CAPN2: variants seen among roughly 807,000 people sequenced by gnomAD.
The protein encoded by CAPN2 is calpain 2.
In CAPN2, 92 loss-of-function variants were observed where a neutral mutation model predicts 102.3. The ratio of observed to expected loss-of-function variants is 0.90; its 90% CI spans 0.76 to 1.07. The LOEUF (loss-of-function observed/expected upper bound fraction) is 1.07. Ranked by LOEUF, CAPN2 falls within the 50% of genes least tolerant of loss-of-function variation. The pLI is 0.00. For missense variants in CAPN2, 800 were observed against 909.4 expected (o/e 0.88, Z 1.55); for synonymous variants, 340 against 355.4 (o/e 0.96, Z 0.49).
At chr1:223,744,994 G>A (rs1660716466) in intron 3 of CAPN2, among the ~76,000 whole-genome samples, 2 of 151,716 alleles carry the variant, frequency 1.3e-5, no homozygotes, top group Admixed American at 6.6e-5. Flanking sequence ...GCAGTGAGCC[G>A]AGATCGTGCC....
At chr1:223,741,485 A>G (rs1227822027) in intron 2 of CAPN2, among the ~76,000 whole-genome samples, 1 of 144,388 alleles carries the variant, frequency 6.9e-6, no homozygotes, top group South Asian at 2.1e-4. Flanking sequence ...AGGGAGTCTC[A>G]TTCTTGTTGC....
At chr1:223,715,145 A>G (rs1045861107) in intron 1 of CAPN2, among the ~76,000 whole-genome samples, 32 of 152,202 alleles carry the variant, frequency 2.1e-4, no homozygotes, top group African/African-American at 7.0e-4. Context: ...TGCTGAGGTC[A>G]GGCAAGGGGA....
intron 4 of CAPN2, among the ~76,000 whole-genome samples, chr1:223,745,921 T>A (rs1354027148): frequency 6.6e-6 from 1 of 152,212 alleles, no homozygotes; most frequent in Non-Finnish European, 1.5e-5. Context: ...GGTAGGAAAC[T>A]TGCCCAGAAT....
chr1:223,745,225 AG>A, intron 3 of CAPN2, 80 bp from the exon 4 acceptor site: 1 of 1,588,348 alleles, frequency 6.3e-7, no homozygotes, highest in Non-Finnish European at 8.6e-7. Flanking sequence ...GATCAGGGCA[AG>A]GGGAGCCAGA....
Position 223,750,986 on chromosome 1 carries a change from C to A in CAPN2, c.899+11C>A. The A allele has an allele frequency of 6.4e-7, 1 of 1,551,180 alleles. No homozygotes were observed. The highest frequency in any genetic ancestry group is 8.7e-7 in the Non-Finnish European group (1 of 1,146,554). ...GCGGTGGAATGACAAGTGAGGAGGG[C>A]GCAGGCCTCGGGGCCCCAGGCGGGG... On this transcript the variant is annotated intron_variant, in intron 7 of 20. Coordinates refer to ENST00000295006, the MANE Select transcript of CAPN2 (RefSeq NM_001748.5).
intron 2 of CAPN2, among the ~76,000 whole-genome samples, chr1:223,742,875 A>G (rs1470984314): frequency 1.3e-5 from 2 of 152,208 alleles, no homozygotes; most frequent in African/African-American, 4.8e-5. Context: ...CCAACAGTGA[A>G]TTAAACTCCT....
At chr1:223,769,206 G>T (rs568773046) in intron 16 of CAPN2, among the ~76,000 whole-genome samples, 1 of 152,056 alleles carries the variant, frequency 6.6e-6, no homozygotes, top group African/African-American at 2.4e-5. Context: ...TCGAACCTCC[G>T]CCTCCCAGGT....
intron 16 of CAPN2, 126 bp downstream of exon 16, chr1:223,766,557 G>A: frequency 1.3e-6 from 1 of 756,496 alleles, no homozygotes; most frequent in Non-Finnish European, 2.3e-6. Context: ...CTGAGTTGCT[G>A]TCGGACAGTC....
At chr1:223,704,127 C>G (rs769717029) in intron 1 of CAPN2, among the ~76,000 whole-genome samples, 2 of 152,094 alleles carry the variant, frequency 1.3e-5, no homozygotes, top group Admixed American at 6.6e-5. Flanking sequence ...CCCGTCTCTA[C>G]TAAAAATACA....
chr1:223,771,773 G>A lies in CAPN2; in HGVS notation c.1904-36G>A, dbSNP rs377460203. ...GCGCAGCTAAATGGAACAATCTAAT[G>A]CTTAGCAATGAGTTTGTTTGTTCAT... On this transcript the variant is annotated intron_variant, in intron 18 of 20. Transcript: ENST00000295006. The A allele has an allele frequency of 3.2e-6, 4 of 1,262,220 alleles. No individual in the cohort carries two copies. In the African/African-American group the frequency reaches 5.9e-5, roughly 19 times the overall value. 78.2% of individuals were successfully genotyped at this position (1,262,220 alleles called of 1,614,324 possible).
rs1388779991 is a variant in CAPN2, at chr1:223,756,482, G to GA, written c.1305+838dup. 6.6e-6 allele frequency among the ~76,000 whole-genome samples: 1 copy of GA among 152,174 alleles called. No homozygotes were observed. Among genetic ancestry groups the GA allele is most frequent in the Non-Finnish European group, 1.5e-5 (1 of 68,030 alleles). On this transcript the variant is annotated intron_variant, in intron 10 of 20. Transcript: ENST00000295006. The surrounding 1 kb of genome is among the most constrained non-coding windows in gnomAD (Gnocchi z 4.1). Reference sequence around the variant, plus strand: ...GTCTGCTGAGGTCCTTCAGCAGCCTGAAAAATGGCCCTGGCAGGGACCTGT... The same window carrying GA: ...GTCTGCTGAGGTCCTTCAGCAGCCTGAAAAAATGGCCCTGGCAGGGACCTGT...
In CAPN2 at chr1:223,731,371, C is replaced by G. The variant is rs886646178; in HGVS notation, c.308-12729C>G. Among the ~76,000 whole-genome samples, 1 of 152,148 alleles carries G rather than the reference C, an allele frequency of 6.6e-6. No homozygotes were observed. Among genetic ancestry groups the G allele is most frequent in the African/African-American group, 2.4e-5 (1 of 41,516 alleles). On this transcript the variant is annotated intron_variant, in intron 2 of 20. Transcript: ENST00000295006. This position sits in a 1 kb window ranked among gnomAD's most constrained non-coding sequence, Gnocchi z 4.2. ...TCCCAATGCCCAGCCCCACAATGCC[C>G]GTCCTGCTGCCTGCCTGTTCTGGAC...
At chr1:223,748,893 G>A (rs1287498526) in intron 5 of CAPN2, 146 bp from the exon 6 acceptor site, 4 of 726,836 alleles carry the variant, frequency 5.5e-6, no homozygotes, top group Non-Finnish European at 1.0e-5. Context: ...GTGCAAGAAA[G>A]CGCAGCCCTG....
At chr1:223,742,518 ATTTTTTT>A (rs199697766) in intron 2 of CAPN2, among the ~76,000 whole-genome samples, 11 of 114,424 alleles carry the variant, frequency 9.6e-5, no homozygotes, top group East Asian at 5.0e-4. Context: ...ATATATATAT[ATTTTTTT>A]TTTTTTTTTT....
intron 10 of CAPN2, 33 bp from the exon 11 acceptor site, chr1:223,757,336 C>T (rs773435500): frequency 1.9e-5 from 31 of 1,613,742 alleles, no homozygotes; most frequent in African/African-American, 4.0e-5. Flanking sequence ...ACTGCTTTTC[C>T]GGCATCTGAA....
In CAPN2 at chr1:223,752,904, G is replaced by A. The variant is rs747043341; in HGVS notation, c.1083G>A (p.Met361Ile). 13 of 1,614,066 alleles carry A rather than the reference G, an allele frequency of 8.1e-6. No individual in the cohort carries two copies. The Admixed American group carries it at 1.8e-4, about 23-fold the overall frequency. ...ACAAGAAGTGGAAACTCACCAAAAT[G>A]GATGGGAACTGGAGGCGGGGCTCCA... ...DTYKKWKLTK[M>I]DGNWRRGSTA... The change falls in exon 9 of 21, where the codon ATG becomes ATA. Residue 361 changes from methionine (M) to isoleucine (I), a missense_variant. Transcript: ENST00000295006.
chr1:223,728,814 C>T (rs1405009109), intron 2 of CAPN2, among the ~76,000 whole-genome samples: 4 of 152,152 alleles, frequency 2.6e-5, no homozygotes, highest in African/African-American at 9.7e-5. Flanking sequence ...GGACTCCACT[C>T]ACCCCCAAGC....
At chr1:223,719,720 C>T (rs1659997028) in intron 2 of CAPN2, among the ~76,000 whole-genome samples, 1 of 152,156 alleles carries the variant, frequency 6.6e-6, no homozygotes, top group Non-Finnish European at 1.5e-5. Flanking sequence ...AGAAATTTCC[C>T]TCCCAGGGGA....
chr1:223,759,872 C>A lies in CAPN2; in HGVS notation c.1529+391C>A, dbSNP rs1449139012. 6.6e-6 allele frequency among the ~76,000 whole-genome samples: 1 copy of A among 152,176 alleles called. No homozygotes were observed. Among genetic ancestry groups the A allele is most frequent in the East Asian group, 1.9e-4 (1 of 5,186 alleles). On this transcript the variant is annotated intron_variant, in intron 12 of 20. Coordinates refer to ENST00000295006, the MANE Select transcript of CAPN2 (RefSeq NM_001748.5). The surrounding 1 kb of genome is among the most constrained non-coding windows in gnomAD (Gnocchi z 4.6). ...TCCAGGCCACCTGGCCTAGCAGAGC[C>A]ACCAAGGGTGTAAGGTGGGAACCAT...
Sources: allele counts gnomAD v4.1 joint callset (sites outside exome capture counted in the v4.1 genomes callset), GRCh38; gene constraint gnomAD v4.1.1; non-coding constraint Gnocchi (gnomAD v3.1); transcripts MANE v1.5; gene names NCBI Gene and HGNC (gene_info 2026-07-23, HGNC 2026-07-21).